CCDC3: variants seen among roughly 807,000 people sequenced by gnomAD.
The protein encoded by CCDC3 is coiled-coil domain-containing protein 3.
In CCDC3, 24 loss-of-function variants were observed where a neutral mutation model predicts 21.4. The observed-to-expected ratio is 1.12, with a 90% confidence interval of 0.81 to 1.58. The LOEUF is 1.58. Ranked by LOEUF, CCDC3 falls within the 40% of genes most tolerant of loss-of-function variation. The probability of loss-of-function intolerance (pLI) is 0.00; values close to 1 mark genes in which losing one functional copy is unlikely to be tolerated. For synonymous variants in CCDC3, 186 were observed against 166.0 expected, an observed-to-expected ratio of 1.12 and a Z score of -0.93; for missense variants, 425 against 360.9, an observed-to-expected ratio of 1.18 and a Z score of -1.44.
chr10:12,997,418 G>T (rs904786418), intron 2 of CCDC3, among the ~76,000 whole-genome samples: 1 of 152,168 alleles, frequency 6.6e-6, no homozygotes, highest in African/African-American at 2.4e-5. Flanking sequence ...TTGTGGCAAA[G>T]CCCATTGCTT....
chr10:12,911,225 A>G (rs1026756460), intron 2 of CCDC3, among the ~76,000 whole-genome samples: 11 of 152,232 alleles, frequency 7.2e-5, no homozygotes, highest in Middle Eastern at 3.4e-3. Flanking sequence ...TCAGTGCCTT[A>G]TAACATTGTT....
rs978152661 is a variant in CCDC3, at chr10:12,995,807, C to T, written c.549+2531G>A. Among the ~76,000 whole-genome samples, 7 of 152,304 alleles carry T rather than the reference C, an allele frequency of 4.6e-5. No homozygotes were observed. The East Asian group carries it at 1.4e-3, about 29-fold the overall frequency. ...GGGAAAAGGAATTCTCCCCCAAGAT[C>T]AACATCTGATCAACAGAAATAGATC... is the stretch of plus-strand genomic sequence containing the variant. On this transcript the variant is annotated intron_variant, in intron 2 of 2. Transcript: ENST00000378825.
intron 2 of CCDC3, among the ~76,000 whole-genome samples, chr10:12,934,287 TC>T (rs1834700121): frequency 1.3e-5 from 2 of 152,228 alleles, no homozygotes; most frequent in African/African-American, 2.4e-5. Context: ...TCCATTGTCG[TC>T]TTTCCATTGT....
chr10:12,956,846 G>T (rs1350540487), intron 2 of CCDC3, among the ~76,000 whole-genome samples: 1 of 152,164 alleles, frequency 6.6e-6, no homozygotes, highest in Non-Finnish European at 1.5e-5. Flanking sequence ...TCCCTGGAAT[G>T]ATCCAATCTC....
intron 2 of CCDC3, among the ~76,000 whole-genome samples, chr10:12,930,437 C>T (rs1220495012): frequency 6.6e-6 from 1 of 152,118 alleles, no homozygotes; most frequent in African/African-American, 2.4e-5. Flanking sequence ...AATAAGAGTT[C>T]CCCTTGATTT....
Position 13,001,540 on chromosome 10 carries a change from A to G in CCDC3, c.31T>C (p.Cys11Arg), listed in dbSNP as rs1371700669. The G allele has an allele frequency of 7.8e-7, 1 of 1,280,218 alleles. No homozygotes were observed. Among genetic ancestry groups the G allele is most frequent in the African/African-American group, 1.6e-5 (1 of 64,368 alleles). 79.3% of individuals were successfully genotyped at this position (1,280,218 alleles called of 1,614,324 possible). Reference sequence around the variant, plus strand: ...GCGGGCGCTGGGGGACCCGCCAGGCAGAGCGCGGCGAGCAGCAGCTGGCGC... The same window carrying G: ...GCGGGCGCTGGGGGACCCGCCAGGCGGAGCGCGGCGAGCAGCAGCTGGCGC... MLRQLLLAAL[C>R]LAGPPAPARA... Residue 11 changes from cysteine (C) to arginine (R), a missense_variant, in exon 1 of 3, where the codon TGC becomes CGC. By Grantham distance (180) the Cys-to-Arg change is radical. Transcript: ENST00000378825.
intron 3 of CCDC3, among the ~76,000 whole-genome samples, chr10:13,079,273 C>CGCT (rs2131445676): frequency 1.5e-4 from 1 of 6,618 alleles, no homozygotes; most frequent in South Asian, 0.012. Context: ...AGGAGGCACG[C>CGCT]GTTGTGGCCT....
chr10:12,978,219 A>G (rs1835444894), intron 2 of CCDC3, among the ~76,000 whole-genome samples: 1 of 152,042 alleles, frequency 6.6e-6, no homozygotes, highest in African/African-American at 2.4e-5. Context: ...GGGTTTCACC[A>G]TGTTGGTCAG....
chr10:13,066,802 G>C (rs1564338144), intron 4 of CCDC3, among the ~76,000 whole-genome samples: 1 of 152,178 alleles, frequency 6.6e-6, no homozygotes, highest in Admixed American at 6.5e-5. Context: ...CTTGTGTGGT[G>C]ACCTGGGATT....
At chr10:13,083,177 T>C (rs897797477) in intron 3 of CCDC3, among the ~76,000 whole-genome samples, 1 of 152,274 alleles carries the variant, frequency 6.6e-6, no homozygotes, top group Admixed American at 6.5e-5. Flanking sequence ...AGATGTATGG[T>C]AGTATTGTAG....
chr10:13,084,618 C>T (rs778544354), intron 3 of CCDC3, among the ~76,000 whole-genome samples: 26 of 152,142 alleles, frequency 1.7e-4, no homozygotes, highest in Admixed American at 8.5e-4. Flanking sequence ...CTTGCTTTTG[C>T]TTTGCACTGT....
At chr10:13,058,328 T>G in intron 4 of CCDC3, 1 of 1,291,432 alleles carries the variant, frequency 7.7e-7, no homozygotes, top group Non-Finnish European at 1.1e-6. Context: ...TTCATAGATC[T>G]TGTCCATGCC....
At chr10:13,091,820 C>CAA (rs5783305) in intron 3 of CCDC3, among the ~76,000 whole-genome samples, 2 of 127,334 alleles carry the variant, frequency 1.6e-5, no homozygotes, top group African/African-American at 3.0e-5. Context: ...AAGCCCAATC[C>CAA]AAAAAAAAAA....
At chr10:13,059,290 A>C (rs1564335650) in intron 4 of CCDC3, among the ~76,000 whole-genome samples, 1 of 152,068 alleles carries the variant, frequency 6.6e-6, no homozygotes, top group African/African-American at 2.4e-5. Context: ...TGCGGAGCGG[A>C]CCTCTCATGC....
chr10:13,071,096 C>T (rs1444147398), intron 4 of CCDC3, among the ~76,000 whole-genome samples: 2 of 152,094 alleles, frequency 1.3e-5, no homozygotes, highest in East Asian at 1.9e-4. Flanking sequence ...TGCCCACCAC[C>T]CAGAGGTTTC....
At chr10:12,917,719 A>G (rs1834382162) in intron 2 of CCDC3, among the ~76,000 whole-genome samples, 1 of 152,176 alleles carries the variant, frequency 6.6e-6, no homozygotes, top group South Asian at 2.1e-4. Flanking sequence ...ACATGGTATA[A>G]AAACATTGCA....
At chr10:13,073,787 C>G (rs1352538219) in intron 4 of CCDC3, 1 of 151,822 alleles carries the variant, frequency 6.6e-6, no homozygotes, top group Non-Finnish European at 1.5e-5. Context: ...GTGGCCTGCC[C>G]AAGACATTTT....
intron 5 of CCDC3, among the ~76,000 whole-genome samples, chr10:13,031,773 C>T (rs1367982649): frequency 2.0e-5 from 3 of 152,100 alleles, no homozygotes; most frequent in African/African-American, 7.2e-5. Flanking sequence ...CACATACACC[C>T]TCCCAAGACT....
chr10:12,981,064 G>A (rs1405591171), intron 2 of CCDC3, among the ~76,000 whole-genome samples: 1 of 151,926 alleles, frequency 6.6e-6, no homozygotes, highest in Non-Finnish European at 1.5e-5. Flanking sequence ...TAAGAGACAG[G>A]GTCTTGCTAT....
Sources: allele counts gnomAD v4.1 joint callset (sites outside exome capture counted in the v4.1 genomes callset), GRCh38; gene constraint gnomAD v4.1.1; transcripts MANE v1.5; gene names NCBI Gene and HGNC (gene_info 2026-07-23, HGNC 2026-07-21).